Variants in MME observed in about 807,000 individuals in gnomAD.
MME encodes the protein neprilysin.
Under a neutral mutation model 113.2 loss-of-function variants are expected in MME, and 98 were observed. The observed-to-expected ratio is 0.87, with a 90% CI of 0.74 to 1.02. MME has a LOEUF of 1.02. MME is among the 50% of genes least tolerant of loss of function. The pLI is 0.00. For synonymous variants in MME, 292 were observed against 300.6 expected, an observed-to-expected ratio of 0.97 and a Z score of 0.30; for missense variants, 836 against 896.0, an observed-to-expected ratio of 0.93 and a Z score of 0.86.
rs61762342 is a variant in MME, at chr3:155,088,218, A to T, written c.196+3124A>T. ...AACACACACACTCGTGCGCGCACAC[A>T]CACACACACACACAGTCTTCTGCTG... On this transcript the variant is annotated intron_variant, in intron 3 of 22. Transcript: ENST00000360490. 3.6e-3 allele frequency among the ~76,000 whole-genome samples: 540 copies of T among 152,100 alleles called. 3 individuals carry two copies. The highest frequency in any genetic ancestry group is 6.8e-3 in the Middle Eastern group (2 of 294).
chr3:155,042,328 C>G (rs1713349393), intron 1 of MME, among the ~76,000 whole-genome samples: 1 of 151,898 alleles, frequency 6.6e-6, no homozygotes, highest in South Asian at 2.1e-4. Flanking sequence ...TGATATGGAC[C>G]CACAATTTAA....
chr3:155,167,571 A>C (rs1723197174), intron 18 of MME, among the ~76,000 whole-genome samples: 1 of 152,208 alleles, frequency 6.6e-6, no homozygotes, highest in Non-Finnish European at 1.5e-5. Flanking sequence ...AGAGGAATAA[A>C]GACGTGAAAT....
At chr3:155,122,168 T>G (rs1421348803) in intron 8 of MME, among the ~76,000 whole-genome samples, 30 of 149,274 alleles carry the variant, frequency 2.0e-4, no homozygotes, top group African/African-American at 3.7e-4. Flanking sequence ...GTCGAGGAAT[T>G]TATCCATTTC....
At chr3:155,134,706 A>G (rs767267643) in intron 8 of MME, among the ~76,000 whole-genome samples, 2 of 152,162 alleles carry the variant, frequency 1.3e-5, no homozygotes, top group Non-Finnish European at 2.9e-5. Flanking sequence ...TCTTTGAGAA[A>G]TCTCCAAACT....
intron 17 of MME, among the ~76,000 whole-genome samples, chr3:155,162,725 T>C (rs1164053935): frequency 6.6e-6 from 1 of 151,884 alleles, no homozygotes; most frequent in Non-Finnish European, 1.5e-5. Flanking sequence ...TAGGAATGTT[T>C]ATGTGGGCTG....
intron 3 of MME, among the ~76,000 whole-genome samples, chr3:155,108,367 G>T (rs960151494): frequency 6.6e-6 from 1 of 151,974 alleles, no homozygotes; most frequent in Non-Finnish European, 1.5e-5. Context: ...AGGCCGAGGC[G>T]GGTGGATTAC....
intron 1 of MME, among the ~76,000 whole-genome samples, chr3:155,046,316 T>G (rs1019633653): frequency 3.9e-5 from 6 of 152,224 alleles, no homozygotes; most frequent in African/African-American, 1.4e-4. Flanking sequence ...TATACAATCT[T>G]GTGCCACATA....
intron 3 of MME, among the ~76,000 whole-genome samples, chr3:155,098,949 C>A (rs1006175751): frequency 2.0e-5 from 3 of 152,012 alleles, no homozygotes; most frequent in African/African-American, 7.2e-5. Context: ...AGATGAATGC[C>A]TCTGGAGTCA....
intron 1 of MME, among the ~76,000 whole-genome samples, chr3:155,025,671 T>C (rs1256949779): frequency 6.7e-6 from 1 of 148,228 alleles, no homozygotes; most frequent in South Asian, 2.1e-4. Context: ...TGGTATCAGA[T>C]TTTTTCTTTC....
upstream of MME, among the ~76,000 whole-genome samples, chr3:155,074,765 T>G (rs1714689194): frequency 1.3e-5 from 2 of 152,194 alleles, no homozygotes; most frequent in South Asian, 4.1e-4. Flanking sequence ...TTTGTGTGCA[T>G]TGTTTAACAA....
At chr3:155,079,098 A>G (rs1714890491), upstream of MME, among the ~76,000 whole-genome samples, 1 of 152,034 alleles carries the variant, frequency 6.6e-6, no homozygotes, top group South Asian at 2.1e-4. Flanking sequence ...AGATCTTGAC[A>G]TGAGAGTACT....
chr3:155,037,189 C>G (rs908378635), intron 1 of MME, among the ~76,000 whole-genome samples: 11 of 152,140 alleles, frequency 7.2e-5, no homozygotes, highest in Non-Finnish European at 1.3e-4. Flanking sequence ...TTTACTAATA[C>G]CTGGGTTTCC....
At chr3:155,070,249 T>TTA (rs1156850452) in intron 1 of MME, among the ~76,000 whole-genome samples, 3 of 152,222 alleles carry the variant, frequency 2.0e-5, no homozygotes, top group Non-Finnish European at 4.4e-5. Context: ...AATAAGCTTT[T>TTA]GTGAAATAAC....
chr3:155,131,616 CAAG>C (rs746758855), intron 8 of MME, among the ~76,000 whole-genome samples: 2 of 152,144 alleles, frequency 1.3e-5, no homozygotes, highest in African/African-American at 4.8e-5. Context: ...GGAAGTTATG[CAAG>C]AAGTTGTACA....
At chr3:155,147,384 G>A (rs537894946) in intron 15 of MME, among the ~76,000 whole-genome samples, 160 bp downstream of exon 15, 90 of 152,186 alleles carry the variant, frequency 5.9e-4, no homozygotes, top group East Asian at 2.7e-3. Flanking sequence ...ATTTGTTTTA[G>A]CCTTTTTGTT....
chr3:155,074,333 G>A (rs1051887382), intron 1 of MME, among the ~76,000 whole-genome samples: 1 of 152,018 alleles, frequency 6.6e-6, no homozygotes, highest in Non-Finnish European at 1.5e-5. Context: ...GACATATATT[G>A]ATAAGAAATA....
chr3:155,148,760 C>A, intron 16 of MME, 107 bp downstream of exon 16: 1 of 798,616 alleles, frequency 1.3e-6, no homozygotes, highest in Non-Finnish European at 2.1e-6. Flanking sequence ...TTAAAAAGTA[C>A]AAAGTCCTCT....
At chr3:155,179,838 A>G (rs1712906943) in intron 22 of MME, among the ~76,000 whole-genome samples, 1 of 152,196 alleles carries the variant, frequency 6.6e-6, no homozygotes, top group African/African-American at 2.4e-5. Context: ...CCCTTTTGGA[A>G]AAAAGGAAAA....
intron 3 of MME, among the ~76,000 whole-genome samples, chr3:155,100,279 C>T (rs1717094510): frequency 6.6e-6 from 1 of 152,196 alleles, no homozygotes; most frequent in Non-Finnish European, 1.5e-5. Flanking sequence ...GACATTTATG[C>T]ATCCGACAGA....
Sources: allele counts gnomAD v4.1 joint callset (sites outside exome capture counted in the v4.1 genomes callset), GRCh38; gene constraint gnomAD v4.1.1; transcripts MANE v1.5; gene names NCBI Gene and HGNC (gene_info 2026-07-23, HGNC 2026-07-21).